NRIP3: variants seen among roughly 807,000 people sequenced by gnomAD.
NRIP3 encodes nuclear receptor-interacting protein 3.
In NRIP3, 31 loss-of-function variants were observed where a neutral mutation model predicts 29.0. That is an observed-to-expected ratio of 1.07 (90% CI 0.80 to 1.44). NRIP3 has a LOEUF of 1.44. Ranked by LOEUF, NRIP3 falls within the 40% of genes most tolerant of loss-of-function variation. NRIP3 has a pLI of 0.00. For synonymous variants in NRIP3, 131 were observed against 118.3 expected (o/e 1.11, Z -0.70); for missense variants, 314 against 297.9 (o/e 1.05, Z -0.40).
At position 8,985,198 on chromosome 11, in the gene NRIP3, C is replaced by A. The variant is rs190707630; in HGVS notation, c.562+513G>T. On this transcript the variant is annotated intron_variant, in intron 4 of 6. Transcript: ENST00000309166. ...TTTTTTTTTTTTTTTGAGACGGAGT[C>A]TTGTTCTGTCGCCCAGGCTGGAGTG... Among the ~76,000 whole-genome samples the A allele has an allele frequency of 7.7e-4, 70 of 91,226 alleles. No individual in the cohort carries two copies. In the East Asian group the frequency reaches 0.026, roughly 33 times the overall value. The allele number at this position is 91,226 out of a possible 152,430, so 59.8% of individuals were successfully genotyped here.
At chr11:9,004,003 C>T (rs1854867050), upstream of NRIP3, 10 of 1,364,000 alleles carry the variant, frequency 7.3e-6, no homozygotes, top group Non-Finnish European at 8.6e-6. Context: ...TCCTCCAGCG[C>T]CGCAAGGGCC....
chr11:8,994,690 C>T (rs1854669920), intron 1 of NRIP3, among the ~76,000 whole-genome samples: 1 of 152,316 alleles, frequency 6.6e-6, no homozygotes, highest in Admixed American at 6.5e-5. Flanking sequence ...ATAAACTCAA[C>T]ATTTCATTTA....
chr11:8,984,682 A>T (rs955174268), intron 4 of NRIP3, among the ~76,000 whole-genome samples: 11 of 152,242 alleles, frequency 7.2e-5, no homozygotes, highest in Non-Finnish European at 1.5e-4. Context: ...AAAAACCAAG[A>T]ACTTGGAGTA....
chr11:8,984,624 G>T (rs1423200549), intron 4 of NRIP3, among the ~76,000 whole-genome samples: 1 of 152,138 alleles, frequency 6.6e-6, no homozygotes, highest in South Asian at 2.1e-4. Flanking sequence ...ATAGAGCCAA[G>T]ATTCAAACCC....
intron 1 of NRIP3, among the ~76,000 whole-genome samples, chr11:9,002,865 A>G (rs1221339396): frequency 6.6e-6 from 1 of 152,246 alleles, no homozygotes; most frequent in African/African-American, 2.4e-5. Flanking sequence ...AACTCCAGAT[A>G]AAACTACAAA....
intron 1 of NRIP3, among the ~76,000 whole-genome samples, chr11:8,996,627 C>T (rs1412252779): frequency 6.6e-6 from 1 of 152,202 alleles, no homozygotes; most frequent in Non-Finnish European, 1.5e-5. Context: ...CTTTCAGAAT[C>T]CCTTCAATAC....
Position 8,983,457 on chromosome 11 carries a change from A to T in NRIP3, c.*88T>A, listed in dbSNP as rs1486886917. On this transcript the variant is annotated 3_prime_UTR_variant, in exon 7 of 7. Coordinates refer to ENST00000309166, the MANE Select transcript of NRIP3 (RefSeq NM_020645.3). ...GGAAGGACTTGGTCCACAGCAAGTCACTACGGCATTTGGTTCAAACCCAGT... is the reference window on the plus strand; with the variant it reads ...GGAAGGACTTGGTCCACAGCAAGTCTCTACGGCATTTGGTTCAAACCCAGT... The T allele has an allele frequency of 7.8e-7, 1 of 1,279,008 alleles. No homozygotes were observed. Among genetic ancestry groups the T allele is most frequent in the African/African-American group, 1.5e-5 (1 of 67,242 alleles). 79.2% of individuals were successfully genotyped at this position (1,279,008 alleles called of 1,614,324 possible).
chr11:9,000,319 C>T (rs1985026), intron 1 of NRIP3, among the ~76,000 whole-genome samples: 49,387 of 152,084 alleles, frequency 0.32, 8,192 homozygotes, highest in Middle Eastern at 0.45. Flanking sequence ...TCACGCTTCT[C>T]TTCTAAGCCT....
chr11:8,988,631 A>G (rs1854553764), intron 1 of NRIP3, among the ~76,000 whole-genome samples: 1 of 152,200 alleles, frequency 6.6e-6, no homozygotes, highest in African/African-American at 2.4e-5. Context: ...TCAAGGGAAA[A>G]GTGGTCTTAG....
intron 1 of NRIP3, among the ~76,000 whole-genome samples, chr11:8,997,912 A>G (rs1854736955): frequency 6.6e-6 from 1 of 152,212 alleles, no homozygotes; most frequent in Non-Finnish European, 1.5e-5. Context: ...AGGAAATGGT[A>G]GGGGTCTGCT....
intron 1 of NRIP3, among the ~76,000 whole-genome samples, chr11:8,995,363 T>C (rs904207381): frequency 6.6e-6 from 1 of 152,240 alleles, no homozygotes; most frequent in Non-Finnish European, 1.5e-5. Context: ...CCTTACTCTC[T>C]TGATCAGTCA....
chr11:9,004,279 C>T, upstream of NRIP3: 1 of 187,034 alleles, frequency 5.3e-6, no homozygotes, highest in Non-Finnish European at 1.1e-5. Context: ...CCTGGACTGG[C>T]GTGGGCTCTG....
At position 8,983,267 on chromosome 11, in the gene NRIP3, G is replaced by A. The variant is rs1199757322; in HGVS notation, c.*278C>T. 6 of 526,956 alleles carry A rather than the reference G, an allele frequency of 1.1e-5. No individual in the cohort carries two copies. The Admixed American group carries it at 2.1e-4, about 19-fold the overall frequency. 32.6% of individuals were successfully genotyped at this position (526,956 alleles called of 1,614,324 possible). A position where few individuals can be genotyped will look rare whatever the true frequency, so the allele number is the denominator to read the frequency against. ...TAATAAAAGCAAATTCCTGGAAGAAGCAGAGAAATAGGCCACAAGTGAGAC... is the reference window on the plus strand; with the variant it reads ...TAATAAAAGCAAATTCCTGGAAGAAACAGAGAAATAGGCCACAAGTGAGAC... On this transcript the variant is annotated 3_prime_UTR_variant, in exon 7 of 7. Coordinates refer to ENST00000309166, the MANE Select transcript of NRIP3 (RefSeq NM_020645.3).
At chr11:8,995,311 T>A (rs937213499) in intron 1 of NRIP3, among the ~76,000 whole-genome samples, 3 of 152,216 alleles carry the variant, frequency 2.0e-5, no homozygotes, top group Non-Finnish European at 4.4e-5. Context: ...CATATTAGCT[T>A]GGGCAAATCA....
intron 1 of NRIP3, among the ~76,000 whole-genome samples, chr11:9,000,949 A>T (rs1854783323): frequency 6.6e-6 from 1 of 152,068 alleles, no homozygotes; most frequent in Admixed American, 6.6e-5. Context: ...TGCACCTGTA[A>T]TCCTAGCTAC....
Position 9,003,659 on chromosome 11 carries a change from G to GCGGGC in NRIP3, c.174+98_174+102dup, listed in dbSNP as rs1376261314. On this transcript the variant is annotated intron_variant, in intron 1 of 6. Transcript: ENST00000309166. The stretch of plus-strand genomic sequence containing the variant: ...CAGCGACCGCGAGCCAAGGGCAGCG[G>GCGGGC]CGGGCCGGGCCGTGACTCAGTGAAA... 26 of 1,158,950 alleles carry GCGGGC rather than the reference G, an allele frequency of 2.2e-5. No homozygotes were observed. In the East Asian group the frequency reaches 4.5e-4, roughly 20 times the overall value. 71.8% of individuals were successfully genotyped at this position (1,158,950 alleles called of 1,614,324 possible).
chr11:8,993,119 T>G (rs1203553268), intron 1 of NRIP3, among the ~76,000 whole-genome samples: 1 of 152,140 alleles, frequency 6.6e-6, no homozygotes, highest in Non-Finnish European at 1.5e-5. Flanking sequence ...GTTCTAAGAA[T>G]GGTGTTGAAG....
rs761719617 is a variant in NRIP3 at position 8,982,925 on chromosome 11, C to T, written c.*620G>A. 10 of 454,762 alleles carry T rather than the reference C, an allele frequency of 2.2e-5. No individual in the cohort carries two copies. Among genetic ancestry groups the T allele is most frequent in the Non-Finnish European group, 4.0e-5 (9 of 226,530 alleles). The allele number at this position is 454,762 out of a possible 1,614,324, so 28.2% of individuals were successfully genotyped here. On this transcript the variant is annotated 3_prime_UTR_variant, in exon 7 of 7. Coordinates refer to ENST00000309166, the MANE Select transcript of NRIP3 (RefSeq NM_020645.3). ...AGCATGGGAGTCTTGGCTTGGAAAT[C>T]AGGTCTGCGTTCTTGGTCCCTTCAG...
Position 8,984,106 on chromosome 11 carries a change from A to G in NRIP3, c.581T>C (p.Leu194Ser). 1.2e-6 allele frequency: 2 copies of G among 1,612,854 alleles called. No individual in the cohort carries two copies. Among genetic ancestry groups the G allele is most frequent in the African/African-American group, 2.7e-5 (2 of 74,996 alleles). ...TCGGAGAGTCTGTAGACCAAGGGAC[A>G]AGTTTTTCTCATTGTCATCTAATAA... Reference protein sequence around the residue: ...AAVVDDNEKNLSLGLQTLRSL... With the variant: ...AAVVDDNEKNSSLGLQTLRSL... Residue 194 changes from leucine to serine, a missense_variant, in exon 5 of 7, where the codon TTG becomes TCG. By Grantham distance (145) the Leu-to-Ser change is moderately radical. Coordinates refer to ENST00000309166, the MANE Select transcript of NRIP3 (RefSeq NM_020645.3).
Sources: gnomAD v4.1 joint callset for allele counts (sites outside exome capture counted in the v4.1 genomes callset) on GRCh38, gnomAD v4.1.1 for gene constraint, MANE v1.5 for transcripts, NCBI Gene and HGNC (gene_info 2026-07-23, HGNC 2026-07-21) for gene names.